The following IRF2 variants were observed in gnomAD, a reference collection of about 807,000 sequenced individuals.
The protein encoded by IRF2 is interferon regulatory factor 2.
A neutral mutation model predicts 40.6 loss-of-function variants in IRF2; 15 were observed. The observed-to-expected ratio is 0.37, with a 90% confidence interval of 0.25 to 0.57. The LOEUF (loss-of-function observed/expected upper bound fraction) is 0.57, where lower values mean the gene tolerates loss of function less well. Ranked by LOEUF, IRF2 falls within the 20% of genes least tolerant of loss-of-function variation. IRF2 has a pLI of 0.77. For synonymous variants in IRF2, 151 were observed against 165.5 expected, an observed-to-expected ratio of 0.91 and a Z score of 0.67; for missense variants, 317 against 455.7, an observed-to-expected ratio of 0.70 and a Z score of 2.77.
chr4:184,390,733 A>G lies in IRF2; in HGVS notation c.711T>C (p.Asp237=). ...VSSYAESETT[D]SVPSDEESAE... is the part of the protein sequence containing the mutation. ...CACTCTCTTCATCGCTGGGCACACTATCAGTCGTTTCGCTTTCTGTTCACA... is the reference window on the plus strand; with the variant it reads ...CACTCTCTTCATCGCTGGGCACACTGTCAGTCGTTTCGCTTTCTGTTCACA... Residue 237 remains aspartate (D), a synonymous_variant, in exon 8 of 9, where the codon GAT becomes GAC. Coordinates refer to ENST00000393593, the MANE Select transcript of IRF2 (RefSeq NM_002199.4). 1 of 1,614,158 alleles carries G rather than the reference A, an allele frequency of 6.2e-7. No individual in the cohort carries two copies. Among genetic ancestry groups the G allele is most frequent in the Non-Finnish European group, 8.5e-7 (1 of 1,180,014 alleles).
At chr4:184,457,672 A>G (rs1299446763) in intron 1 of IRF2, among the ~76,000 whole-genome samples, 1 of 152,164 alleles carries the variant, frequency 6.6e-6, no homozygotes, top group East Asian at 1.9e-4. Context: ...CCTGGCTATT[A>G]TCAAAGGCAC....
chr4:184,430,181 C>T (rs923859507), intron 1 of IRF2, among the ~76,000 whole-genome samples: 9 of 152,192 alleles, frequency 5.9e-5, no homozygotes, highest in African/African-American at 2.2e-4. Context: ...CCATGGACTT[C>T]CTCTCTCCTC....
intron 1 of IRF2, among the ~76,000 whole-genome samples, chr4:184,471,485 G>A (rs1016826134): frequency 6.6e-6 from 1 of 152,156 alleles, no homozygotes; most frequent in African/African-American, 2.4e-5. Flanking sequence ...TTGGTATAAG[G>A]CAGATAAGGG....
chr4:184,406,125 G>T (rs1736845418), intron 6 of IRF2, among the ~76,000 whole-genome samples: 1 of 152,080 alleles, frequency 6.6e-6, no homozygotes, highest in South Asian at 2.1e-4. Context: ...CCTAAGGGGT[G>T]AACAACTCAG....
At chr4:184,456,769 G>A (rs13112029) in intron 1 of IRF2, among the ~76,000 whole-genome samples, 3,995 of 152,370 alleles carry the variant, frequency 0.026, 71 homozygotes, top group Non-Finnish European at 0.044. Flanking sequence ...AACACGTACT[G>A]AGGGTACCGA....
intron 1 of IRF2, among the ~76,000 whole-genome samples, chr4:184,462,125 G>C (rs1739170323): frequency 6.6e-6 from 1 of 152,196 alleles, no homozygotes; most frequent in South Asian, 2.1e-4. Context: ...TTTAAAGTGA[G>C]ATTACACTTT....
chr4:184,455,249 C>CCCCTCCCCCTTCCCTCCCCCTT (rs148210767), intron 1 of IRF2, among the ~76,000 whole-genome samples: 3 of 56,366 alleles, frequency 5.3e-5, no homozygotes, highest in Non-Finnish European at 6.6e-5. Flanking sequence ...TTCCTCCCCT[C>CCCCTCCCCCTTCCCTCCCCCTT]CCCTCCCCCT....
intron 7 of IRF2, among the ~76,000 whole-genome samples, chr4:184,398,437 A>G (rs1579798750): frequency 6.6e-6 from 1 of 152,138 alleles, no homozygotes; most frequent in South Asian, 2.1e-4. Flanking sequence ...TGGGCGGATC[A>G]CCTGACGTCA....
Position 184,455,574 on chromosome 4 carries a change from A to T in IRF2, c.-7+18805T>A, listed in dbSNP as rs191696809. The stretch of plus-strand genomic sequence containing the variant: ...CAAAATACCGAGCACAGTAGCTTGC[A>T]CATAATGACATGTAGTAATCACTCA... On this transcript the variant is annotated intron_variant, in intron 1 of 8. Coordinates refer to ENST00000393593, the MANE Select transcript of IRF2 (RefSeq NM_002199.4). Among the ~76,000 whole-genome samples the T allele has an allele frequency of 1.2e-4, 18 of 152,116 alleles. No homozygotes were observed. The East Asian group carries it at 1.5e-3, about 13-fold the overall frequency.
At chr4:184,392,334 A>C (rs1490203462) in intron 7 of IRF2, among the ~76,000 whole-genome samples, 1 of 152,226 alleles carries the variant, frequency 6.6e-6, no homozygotes, top group African/African-American at 2.4e-5. Context: ...CATACCCAAA[A>C]GTATGGTAAA....
At chr4:184,454,602 T>A (rs937018221) in intron 1 of IRF2, among the ~76,000 whole-genome samples, 13 of 152,214 alleles carry the variant, frequency 8.5e-5, no homozygotes, top group Non-Finnish European at 1.5e-4. Context: ...GGGTCGGATC[T>A]GGCATCCATT....
chr4:184,473,570 AGCG>A (rs544775223), intron 1 of IRF2, among the ~76,000 whole-genome samples: 2 of 147,152 alleles, frequency 1.4e-5, no homozygotes, highest in Admixed American at 6.7e-5. Flanking sequence ...GTCCCTTCTG[AGCG>A]GCGGCGGCGG....
chr4:184,457,189 G>A (rs973424211), intron 1 of IRF2, among the ~76,000 whole-genome samples: 2 of 152,264 alleles, frequency 1.3e-5, no homozygotes, highest in African/African-American at 4.8e-5. Flanking sequence ...GTGATTTAAA[G>A]GTTGTCTGTT....
intron 1 of IRF2, among the ~76,000 whole-genome samples, chr4:184,430,540 A>C (rs750093133): frequency 6.6e-6 from 1 of 152,152 alleles, no homozygotes. Context: ...TTACTCACTG[A>C]TCTTACACTG....
At chr4:184,389,129 T>C in intron 8 of IRF2, 63 bp from the exon 9 acceptor site, 14 of 1,516,714 alleles carry the variant, frequency 9.2e-6, no homozygotes, top group Non-Finnish European at 1.3e-5. Flanking sequence ...TTTTTAAAAA[T>C]GCATCACTGG....
intron 8 of IRF2, among the ~76,000 whole-genome samples, chr4:184,389,521 TAGC>T (rs1318117073): frequency 6.6e-6 from 1 of 152,220 alleles, no homozygotes; most frequent in African/African-American, 2.4e-5. Flanking sequence ...AACAAAGGCT[TAGC>T]ACCTCTACAT....
In IRF2 at chr4:184,388,591, AAG is replaced by A. The variant is rs969201074; in HGVS notation, c.*165_*166del. ...ACCAATGGGCTGGAGTCCTGAGTTA[AAG>A]AGAAGCTCCAGTACTGGAGTTGGAC... On this transcript the variant is annotated 3_prime_UTR_variant, in exon 9 of 9. Transcript: ENST00000393593. This position sits in a 1 kb window ranked among gnomAD's most constrained non-coding sequence, Gnocchi z 4.6. The A allele has an allele frequency of 3.3e-4, 219 of 670,504 alleles. 1 individual carries two copies. The East Asian group carries it at 4.8e-3, about 15-fold the overall frequency. 41.5% of individuals were successfully genotyped at this position (670,504 alleles called of 1,614,324 possible).
chr4:184,425,488 C>T (rs969104307), intron 2 of IRF2, among the ~76,000 whole-genome samples: 10 of 152,238 alleles, frequency 6.6e-5, no homozygotes, highest in African/African-American at 2.2e-4. Context: ...GACAGGGCCT[C>T]GGGGCCACAG....
At chr4:184,399,986 C>T (rs528669296) in intron 6 of IRF2, among the ~76,000 whole-genome samples, 2 of 152,310 alleles carry the variant, frequency 1.3e-5, no homozygotes, top group Admixed American at 6.5e-5. Context: ...AATACAATAT[C>T]GCAACCAGAG....
Sources: gnomAD v4.1 joint callset for allele counts (sites outside exome capture counted in the v4.1 genomes callset) on GRCh38, gnomAD v4.1.1 for gene constraint, Gnocchi (gnomAD v3.1) non-coding constraint, MANE v1.5 for transcripts, NCBI Gene and HGNC (gene_info 2026-07-23, HGNC 2026-07-21) for gene names.